Variants in FARP1 observed in about 807,000 individuals in gnomAD.
The protein encoded by FARP1 is FERM, ARH/RhoGEF and pleckstrin domain protein 1.
A neutral mutation model predicts 128.8 loss-of-function variants in FARP1; 52 were observed. The observed-to-expected ratio is 0.40, with a 90% CI of 0.32 to 0.51. The LOEUF (loss-of-function observed/expected upper bound fraction) is 0.51. Among genes scored for constraint, FARP1 ranks in the 20% least tolerant of loss-of-function variants. FARP1 has a pLI of 0.45. For synonymous variants in FARP1, 580 were observed against 551.8 expected, an observed-to-expected ratio of 1.05 and a Z score of -0.72; for missense variants, 1,333 against 1,367.9, an observed-to-expected ratio of 0.97 and a Z score of 0.40.
intron 2 of FARP1, among the ~76,000 whole-genome samples, chr13:98,280,216 A>C (rs1261332079): frequency 3.9e-5 from 6 of 152,260 alleles, no homozygotes; most frequent in South Asian, 2.1e-4. Flanking sequence ...CTTCCCCTAG[A>C]AAACAGCCTC....
chr13:98,251,135 GA>G (rs926812025), intron 2 of FARP1, among the ~76,000 whole-genome samples: 1 of 152,212 alleles, frequency 6.6e-6, no homozygotes, highest in Admixed American at 6.5e-5. Context: ...GAATCATAAA[GA>G]ATATTAAATC....
At chr13:98,168,020 A>C (rs111815983) in intron 1 of FARP1, among the ~76,000 whole-genome samples, 5,436 of 151,956 alleles carry the variant, frequency 0.036, 294 homozygotes, top group African/African-American at 0.12. Context: ...AAAATAGAAA[A>C]AATTAGCCAG....
intron 13 of FARP1, chr13:98,396,999 A>G (rs1388156530): frequency 6.6e-6 from 1 of 152,490 alleles, no homozygotes; most frequent in South Asian, 2.1e-4. Context: ...TTCAAGGCCA[A>G]ATGTAAATTG....
chr13:98,390,887 G>C lies in FARP1; in HGVS notation c.1088+7G>C. On this transcript the variant is annotated splice_region_variant and intron_variant, in intron 11 of 26. Coordinates refer to ENST00000319562, the MANE Select transcript of FARP1 (RefSeq NM_005766.4). ...AGAAGGTGCAGTTTGAAAGGTAAGA[G>C]AAGCTTCAATGCTACTTCCAGTCTG... 6.3e-7 allele frequency: 1 copy of C among 1,599,990 alleles called. No individual in the cohort carries two copies. Among genetic ancestry groups the C allele is most frequent in the Non-Finnish European group, 8.6e-7 (1 of 1,167,244 alleles).
chr13:98,422,849 A>G (rs1182005041), intron 16 of FARP1, among the ~76,000 whole-genome samples: 1 of 152,184 alleles, frequency 6.6e-6, no homozygotes, highest in Non-Finnish European at 1.5e-5. Context: ...CTTAGCCACC[A>G]TATCTGTGGG....
chr13:98,376,105 A>G (rs1025671909), intron 5 of FARP1, among the ~76,000 whole-genome samples: 1 of 152,198 alleles, frequency 6.6e-6, no homozygotes, highest in African/African-American at 2.4e-5. Flanking sequence ...GGTGGTATCT[A>G]TGACCTTAAG....
chr13:98,390,276 G>T (rs1890258755), intron 10 of FARP1, among the ~76,000 whole-genome samples, 156 bp downstream of exon 10: 2 of 152,202 alleles, frequency 1.3e-5, no homozygotes, highest in African/African-American at 4.8e-5. Context: ...ATCCCAGTGG[G>T]CTCTGTTTGA....
intron 2 of FARP1, among the ~76,000 whole-genome samples, chr13:98,304,836 T>C (rs569002008): frequency 1.3e-5 from 2 of 152,206 alleles, no homozygotes; most frequent in Non-Finnish European, 1.5e-5. Context: ...AATTAACGTA[T>C]TATCTGTCAG....
At chr13:98,432,910 A>C (rs1892098804) in intron 18 of FARP1, 1 of 85,076 alleles carries the variant, frequency 1.2e-5, no homozygotes, top group Non-Finnish European at 2.5e-5. Context: ...TAGGGCCGTG[A>C]GAGAGAAGTG....
chr13:98,440,200 C>T lies in FARP1; in HGVS notation c.2594C>T (p.Ala865Val), dbSNP rs759433247. Residue 865 changes from alanine (A) to valine (V), a missense_variant, in exon 23 of 27, where the codon GCC (alanine) becomes GTC (valine). By Grantham distance (64) the Ala-to-Val change is moderately conservative (BLOSUM62 0). This residue lies in a region of FARP1 where 1,009 missense variants were observed against 969.8 expected (regional missense o/e 1.04). Coordinates refer to ENST00000319562, the MANE Select transcript of FARP1 (RefSeq NM_005766.4). ...CTGGCGGAGAAGAGCAGCAGCCCCG[C>T]CCCTGAGTTCCTGGCCAGCAGCCCC... is the stretch of plus-strand genomic sequence containing the variant. ...IDLAEKSSSP[A>V]PEFLASSPPD... 2 of 1,613,880 alleles carry T rather than the reference C, an allele frequency of 1.2e-6. No homozygotes were observed. The highest frequency in any genetic ancestry group is 2.7e-5 in the African/African-American group (2 of 74,916).
At chr13:98,147,879 G>A (rs1809526229) in intron 1 of FARP1, among the ~76,000 whole-genome samples, 1 of 151,816 alleles carries the variant, frequency 6.6e-6, no homozygotes, top group Admixed American at 6.6e-5. Context: ...TGCCCAGTCT[G>A]GTAAATCCTT....
intron 2 of FARP1, chr13:98,338,825 A>G (rs1887846390): frequency 6.6e-6 from 1 of 152,210 alleles, no homozygotes; most frequent in African/African-American, 2.4e-5. Flanking sequence ...ACTGGGAATA[A>G]GTACAGAGAA....
intron 25 of FARP1, chr13:98,446,414 CTAGGAAGGGCCACCTGTCTTCTGCCT>C (rs922470010): frequency 1.7e-6 from 1 of 602,044 alleles, no homozygotes; most frequent in Non-Finnish European, 2.9e-6. Flanking sequence ...AACTTCTGCC[CTAGGAAGGGCCACCTGTCTTCTGCCT>C]GGACAAGGGA....
chr13:98,228,288 A>G (rs1193319645), intron 2 of FARP1, among the ~76,000 whole-genome samples: 1 of 152,208 alleles, frequency 6.6e-6, no homozygotes, highest in East Asian at 1.9e-4. Flanking sequence ...TGAACCCAGG[A>G]GGCGGAGGCT....
chr13:98,367,862 A>G (rs1001348969), intron 4 of FARP1, among the ~76,000 whole-genome samples: 4 of 152,240 alleles, frequency 2.6e-5, no homozygotes, highest in Non-Finnish European at 1.5e-5. Flanking sequence ...TTAAGTCTGC[A>G]GAGAAAAAAT....
chr13:98,236,767 G>A (rs1882444221), intron 2 of FARP1, among the ~76,000 whole-genome samples: 1 of 151,176 alleles, frequency 6.6e-6, no homozygotes, highest in Non-Finnish European at 1.5e-5. Flanking sequence ...AGGCAGGTGG[G>A]TCACGAGGTC....
intron 2 of FARP1, among the ~76,000 whole-genome samples, chr13:98,288,271 T>C (rs1885290587): frequency 1.3e-5 from 2 of 152,168 alleles, no homozygotes; most frequent in Middle Eastern, 3.2e-3. Context: ...AGTGTGTTAT[T>C]CTTCAGTGGT....
intron 20 of FARP1, 44 bp downstream of exon 20, chr13:98,438,916 T>C (rs1333175768): frequency 1.3e-6 from 2 of 1,596,736 alleles, no homozygotes; most frequent in Non-Finnish European, 1.7e-6. Context: ...TTGTGTCACC[T>C]GGGCAAGCAA....
chr13:98,290,595 T>G (rs1161115535), intron 2 of FARP1, among the ~76,000 whole-genome samples: 1 of 151,768 alleles, frequency 6.6e-6, no homozygotes, highest in African/African-American at 2.4e-5. Flanking sequence ...CAGTTCAGAG[T>G]TTATTCTGAA....
Sources: allele counts gnomAD v4.1 joint callset (sites outside exome capture counted in the v4.1 genomes callset), GRCh38; gene constraint gnomAD v4.1.1; regional missense constraint gnomAD v4.1.1; transcripts MANE v1.5; gene names NCBI Gene and HGNC (gene_info 2026-07-23, HGNC 2026-07-21).